Variants in SPATS2 observed in about 807,000 individuals in gnomAD.
The protein encoded by SPATS2 is spermatogenesis associated serine rich 2.
A neutral mutation model predicts 63.7 loss-of-function variants in SPATS2; 38 were observed. That is an observed-to-expected ratio of 0.60 (90% confidence interval 0.46 to 0.78). The LOEUF is 0.78. Among genes scored for constraint, SPATS2 ranks in the 30% least tolerant of loss-of-function variants. SPATS2 has a pLI of 0.00. For synonymous variants in SPATS2, 207 were observed against 232.9 expected (o/e 0.89, Z 1.01); for missense variants, 588 against 666.2 (o/e 0.88, Z 1.29).
chr12:49,519,162 G>A lies in SPATS2; in HGVS notation c.988G>A (p.Glu330Lys), dbSNP rs1472690238. Residue 330 changes from glutamate to lysine, a missense_variant, in exon 11 of 14, where the codon GAG becomes AAG. Coordinates refer to ENST00000552918, the MANE Select transcript of SPATS2 (RefSeq NM_023071.4). ...TCAAATGTCAGAGCAGCAATTGGTT[G>A]AGCTCAGAGCTGATATCAAGGTAAA... ...AVQMSEQQLV[E>K]LRADIKHFVS... is the part of the protein sequence containing the mutation. 2 of 1,613,642 alleles carry A rather than the reference G, an allele frequency of 1.2e-6. No individual in the cohort carries two copies. The highest frequency in any genetic ancestry group is 2.7e-5 in the African/African-American group (2 of 74,922).
chr12:49,497,120 ATT>A, intron 8 of SPATS2, 111 bp downstream of exon 8: 1 of 1,109,380 alleles, frequency 9.0e-7, no homozygotes, highest in Non-Finnish European at 1.3e-6. Context: ...ATCAGTTAAT[ATT>A]TTTCCATTTT....
intron 2 of SPATS2, among the ~76,000 whole-genome samples, chr12:49,442,838 T>C (rs1945446677): frequency 7.3e-6 from 1 of 136,612 alleles, no homozygotes; most frequent in Non-Finnish European, 1.6e-5. Flanking sequence ...TTCACCATTA[T>C]CACCATTCAT....
chr12:49,458,856 C>G (rs1300434825), intron 2 of SPATS2, among the ~76,000 whole-genome samples: 1 of 151,398 alleles, frequency 6.6e-6, no homozygotes, highest in Admixed American at 6.6e-5. Flanking sequence ...GCATTTGTAT[C>G]TTTGTAATTT....
intron 2 of SPATS2, among the ~76,000 whole-genome samples, chr12:49,435,022 C>CTTTTT (rs776284070): frequency 3.7e-4 from 42 of 114,040 alleles, no homozygotes; most frequent in Non-Finnish European, 4.2e-4. Flanking sequence ...AACTGAATGG[C>CTTTTT]TTTTTTTTTT....
At chr12:49,490,236 A>C (rs554048183) in intron 5 of SPATS2, 1 of 154,390 alleles carries the variant, frequency 6.5e-6, no homozygotes, top group African/African-American at 2.4e-5. Context: ...GTTTTTCTTT[A>C]TCTTCATCTT....
chr12:49,509,269 A>C (rs2138007418), intron 9 of SPATS2, among the ~76,000 whole-genome samples: 2 of 140,322 alleles, frequency 1.4e-5, no homozygotes, highest in South Asian at 4.4e-4. Flanking sequence ...TCACGTTCTA[A>C]CTTCTTTTTT....
chr12:49,516,926 A>G (rs1319339375), intron 10 of SPATS2, among the ~76,000 whole-genome samples: 1 of 152,160 alleles, frequency 6.6e-6, no homozygotes, highest in Non-Finnish European at 1.5e-5. Context: ...TACCAATGCT[A>G]TCAAGAGTAA....
rs185028837 is a variant in SPATS2, at chr12:49,451,061, G to A, written c.-243-9709G>A. Among the ~76,000 whole-genome samples, 25 of 144,378 alleles carry A rather than the reference G, an allele frequency of 1.7e-4. No homozygotes were observed. The East Asian group carries it at 3.8e-3, about 22-fold the overall frequency. The allele number at this position is 144,378 out of a possible 152,430, so 94.7% of individuals were successfully genotyped here. The stretch of plus-strand genomic sequence containing the variant: ...TATTTTTTGTATTTTTAGTAGAGAT[G>A]GGATTTTACCATGTTGGCTAGGCTG... On this transcript the variant is annotated intron_variant, in intron 2 of 13. Transcript: ENST00000552918.
At chr12:49,480,720 T>C (rs747479118) in intron 3 of SPATS2, among the ~76,000 whole-genome samples, 4 of 152,222 alleles carry the variant, frequency 2.6e-5, no homozygotes, top group Middle Eastern at 6.8e-3. Context: ...ATTGGGGCTG[T>C]ACCATTTTAC....
intron 2 of SPATS2, among the ~76,000 whole-genome samples, chr12:49,413,378 A>T (rs1471070093): frequency 1.3e-5 from 2 of 151,808 alleles, no homozygotes; most frequent in Non-Finnish European, 2.9e-5. Context: ...GTAACTTTTT[A>T]ATTTTAATTT....
chr12:49,467,581 G>A (rs949527435), intron 3 of SPATS2, among the ~76,000 whole-genome samples: 10 of 152,144 alleles, frequency 6.6e-5, no homozygotes, highest in African/African-American at 2.4e-4. Flanking sequence ...TTTATATTTT[G>A]GGAGTCCTGA....
At position 49,422,873 on chromosome 12, in the gene SPATS2, C is replaced by T. The variant is rs569783860; in HGVS notation, c.-243-37897C>T. Among the ~76,000 whole-genome samples the T allele has an allele frequency of 2.0e-5, 3 of 151,182 alleles. No homozygotes were observed. In the South Asian group the frequency reaches 6.3e-4, roughly 32 times the overall value. ...GTTACAGTGAGCCAAGACCGTGCCA[C>T]AGCACTCCAGCCTGGGAAACAGAAC... On this transcript the variant is annotated intron_variant, in intron 2 of 13. Transcript: ENST00000552918.
chr12:49,436,347 C>A (rs1464828309), intron 2 of SPATS2, among the ~76,000 whole-genome samples: 1 of 145,320 alleles, frequency 6.9e-6, no homozygotes, highest in Non-Finnish European at 1.5e-5. Flanking sequence ...TAGGGGCGGC[C>A]GGGCAGAGGC....
intron 2 of SPATS2, among the ~76,000 whole-genome samples, chr12:49,416,601 C>T (rs1944893934): frequency 6.6e-6 from 1 of 152,092 alleles, no homozygotes; most frequent in Admixed American, 6.6e-5. Context: ...AATTCTCCTG[C>T]CTCAGCCTCC....
At chr12:49,408,536 A>G (rs1242902337) in intron 2 of SPATS2, among the ~76,000 whole-genome samples, 2 of 142,696 alleles carry the variant, frequency 1.4e-5, no homozygotes, top group African/African-American at 2.6e-5. Flanking sequence ...TACAGGCTTG[A>G]GCCACTGTGC....
At chr12:49,402,611 A>G (rs1944625934) in intron 2 of SPATS2, among the ~76,000 whole-genome samples, 1 of 152,194 alleles carries the variant, frequency 6.6e-6, no homozygotes, top group Non-Finnish European at 1.5e-5. Context: ...GCATCAGAAC[A>G]GTCATCTATA....
At chr12:49,368,357 A>G (rs576169352) in intron 1 of SPATS2, among the ~76,000 whole-genome samples, 1 of 152,290 alleles carries the variant, frequency 6.6e-6, no homozygotes, top group South Asian at 2.1e-4. Context: ...ACTGTTCCTA[A>G]TTTACCTACG....
Position 49,462,079 on chromosome 12 carries a change from G to A in SPATS2, c.25+1042G>A, listed in dbSNP as rs573269856. On this transcript the variant is annotated intron_variant, in intron 3 of 13. Transcript: ENST00000552918. Reference sequence around the variant, plus strand: ...GTAAAAATAGGGTTCTGGAAAAGTTGAGCATTTAATTTTTCCAAAAAAAAA... The same window carrying A: ...GTAAAAATAGGGTTCTGGAAAAGTTAAGCATTTAATTTTTCCAAAAAAAAA... Among the ~76,000 whole-genome samples the A allele has an allele frequency of 2.0e-5, 3 of 152,030 alleles. No homozygotes were observed. The South Asian group carries it at 6.2e-4, about 31-fold the overall frequency.
At chr12:49,481,169 GACCA>G (rs1248519211) in intron 3 of SPATS2, among the ~76,000 whole-genome samples, 2 of 152,206 alleles carry the variant, frequency 1.3e-5, no homozygotes, top group Middle Eastern at 3.4e-3. Flanking sequence ...CAACCAGCCT[GACCA>G]ACATGGTGAA....
Sources: gnomAD v4.1 joint callset for allele counts (sites outside exome capture counted in the v4.1 genomes callset) on GRCh38, gnomAD v4.1.1 for gene constraint, MANE v1.5 for transcripts, NCBI Gene and HGNC (gene_info 2026-07-23, HGNC 2026-07-21) for gene names.